The following ANKRD40CL variants were observed in gnomAD, a reference collection of about 807,000 sequenced individuals.
ANKRD40CL encodes putative ANKRD40 C-terminal-like protein.
For synonymous variants in ANKRD40CL, 5 were observed against 2.3 expected (o/e 2.14, Z -1.04); for missense variants, 11 against 6.4 (o/e 1.71, Z -0.77).
intron 2 of ANKRD40CL, among the ~76,000 whole-genome samples, chr17:50,765,760 T>C (rs1289712627): frequency 6.6e-6 from 1 of 152,088 alleles, no homozygotes; most frequent in Admixed American, 6.5e-5. Context: ...ACTCCTCAAC[T>C]TCTGATCCTT....
intron 2 of ANKRD40CL, chr17:50,765,056 G>C (rs1288517649): frequency 6.6e-6 from 1 of 152,164 alleles, no homozygotes; most frequent in African/African-American, 2.4e-5. Context: ...AGAGAGCATG[G>C]GGGGACTGAG....
chr17:50,762,906 GT>G (rs934853472), intron 3 of ANKRD40CL: 17 of 149,802 alleles, frequency 1.1e-4, no homozygotes, highest in African/African-American at 3.2e-4. Flanking sequence ...TCAGAGGTTT[GT>G]TTTTTTTTGA....
chr17:50,763,561 T>A lies in ANKRD40CL; in HGVS notation c.41-4A>T. The A allele has an allele frequency of 5.0e-6, 2 of 399,082 alleles. No homozygotes were observed. The highest frequency in any genetic ancestry group is 8.8e-6 in the Non-Finnish European group (2 of 226,066). 24.7% of individuals were successfully genotyped at this position (399,082 alleles called of 1,614,324 possible). On this transcript the variant is annotated splice_polypyrimidine_tract_variant and splice_region_variant and intron_variant, in intron 2 of 3. Transcript: ENST00000450727. ...TCTTTGGGGTTCTGAATTCTGACTT[T>A]AAACACAAGCTCTAAATCACCCATA...
At chr17:50,763,834 G>A in intron 2 of ANKRD40CL, 1 of 371,826 alleles carries the variant, frequency 2.7e-6, no homozygotes, top group Non-Finnish European at 4.8e-6. Context: ...TTTAAAATAT[G>A]CAATGGATAT....
Position 50,761,191 on chromosome 17 carries a change from C to T in ANKRD40CL, c.*172G>A, listed in dbSNP as rs536844843. On this transcript the variant is annotated 3_prime_UTR_variant, in exon 4 of 4. Transcript: ENST00000450727. ...TGTAGCTGGGACTACTACAGGTGTG[C>T]GCCACCACACCTAGCTAATTTTTGT... 8.5e-5 allele frequency: 29 copies of T among 342,848 alleles called. No individual in the cohort carries two copies. Among genetic ancestry groups the T allele is most frequent in the East Asian group, 6.1e-4 (14 of 23,006 alleles). The allele number at this position is 342,848 out of a possible 1,614,324, so 21.2% of individuals were successfully genotyped here. A position where few individuals can be genotyped will look rare whatever the true frequency, so the allele number is the denominator to read the frequency against.
chr17:50,761,217 A>AT lies in ANKRD40CL; in HGVS notation c.*145dup, dbSNP rs1028345412. On this transcript the variant is annotated 3_prime_UTR_variant, in exon 4 of 4. Transcript: ENST00000450727. ...GCCACCACACCTAGCTAATTTTTGTATTTTTTTTAGTAGAGACTGGGTTTC... is the reference window on the plus strand; with the variant it reads ...GCCACCACACCTAGCTAATTTTTGTATTTTTTTTTAGTAGAGACTGGGTTTC... The AT allele has an allele frequency of 7.3e-5, 27 of 367,712 alleles. No homozygotes were observed. Among genetic ancestry groups the AT allele is most frequent in the Non-Finnish European group, 1.2e-4 (24 of 207,546 alleles). The allele number at this position is 367,712 out of a possible 1,614,324, so 22.8% of individuals were successfully genotyped here.
chr17:50,766,001 C>T (rs979854352), intron 2 of ANKRD40CL, among the ~76,000 whole-genome samples: 9 of 152,258 alleles, frequency 5.9e-5, no homozygotes, highest in African/African-American at 2.2e-4. Context: ...AAGCCCAGGG[C>T]CTTTCTGAAT....
In ANKRD40CL at chr17:50,767,504, C is replaced by A. The variant is rs1971349641; in HGVS notation, c.-140G>T. 4.3e-6 allele frequency: 1 copy of A among 231,632 alleles called. No homozygotes were observed. The highest frequency in any genetic ancestry group is 2.3e-5 in the African/African-American group (1 of 43,942). The allele number at this position is 231,632 out of a possible 1,614,324, so 14.3% of individuals were successfully genotyped here. On this transcript the variant is annotated 5_prime_UTR_variant, in exon 1 of 4. Coordinates refer to ENST00000450727, the MANE Select transcript of ANKRD40CL (RefSeq NM_001358683.3). ...GGTGATGATCCTGGATCCCCTGATT[C>A]TAGACATCAAAATGGAGGAGGCAGA...
At chr17:50,763,657 A>AT in intron 2 of ANKRD40CL, 100 bp from the exon 3 acceptor site, 2 of 397,908 alleles carry the variant, frequency 5.0e-6, no homozygotes, top group Non-Finnish European at 8.9e-6. Context: ...TACAGCATAA[A>AT]TAATCCTAAA....
At position 50,766,929 on chromosome 17, in the gene ANKRD40CL, C is replaced by T. The variant is rs976633932; in HGVS notation, c.-16G>A. 1.4e-5 allele frequency: 10 copies of T among 700,044 alleles called. 1 individual carries two copies. The highest frequency in any genetic ancestry group is 1.2e-4 in the African/African-American group (7 of 56,172). The allele number at this position is 700,044 out of a possible 1,614,324, so 43.4% of individuals were successfully genotyped here. A position where few individuals can be genotyped will look rare whatever the true frequency, so the allele number is the denominator to read the frequency against. On this transcript the variant is annotated 5_prime_UTR_variant, in exon 2 of 4. Transcript: ENST00000450727. ...GTTCAGCCATGAGTCACCTCTAGTC[C>T]GTCAGATGTGCAGCCCCTCTCGCAT...
intron 1 of ANKRD40CL, 145 bp from the exon 2 acceptor site, chr17:50,767,156 C>A: frequency 1.5e-6 from 1 of 661,034 alleles, no homozygotes; most frequent in South Asian, 1.5e-5. Flanking sequence ...TGAAGTAAGG[C>A]TCCAGACTCT....
intron 2 of ANKRD40CL, chr17:50,763,878 G>T: frequency 8.0e-6 from 3 of 374,996 alleles, no homozygotes; most frequent in Non-Finnish European, 1.4e-5. Context: ...TACATAGCAG[G>T]TGCTCATACC....
At chr17:50,763,211 T>C in intron 3 of ANKRD40CL, 186 bp downstream of exon 3, 1 of 393,186 alleles carries the variant, frequency 2.5e-6, no homozygotes, top group Non-Finnish European at 4.5e-6. Context: ...TAGAGGTTTT[T>C]AAAAGGTTTA....
intron 1 of ANKRD40CL, 51 bp downstream of exon 1, chr17:50,767,412 T>C (rs1396723287): frequency 3.0e-6 from 1 of 328,022 alleles, no homozygotes. Flanking sequence ...TCCCAGCCCC[T>C]TCCTCAGCAG....
At chr17:50,763,064 T>G in intron 3 of ANKRD40CL, 1 of 175,018 alleles carries the variant, frequency 5.7e-6, no homozygotes, top group Non-Finnish European at 1.2e-5. Flanking sequence ...GCCCAGCTAA[T>G]TTTTGTATTT....
chr17:50,765,278 A>G (rs1971279753), intron 2 of ANKRD40CL, among the ~76,000 whole-genome samples: 1 of 152,254 alleles, frequency 6.6e-6, no homozygotes, highest in Admixed American at 6.5e-5. Flanking sequence ...CATGGCTACT[A>G]GCAATTTTAA....
intron 2 of ANKRD40CL, chr17:50,764,678 C>G (rs970751125): frequency 3.9e-5 from 6 of 154,100 alleles, no homozygotes; most frequent in African/African-American, 1.2e-4. Context: ...TATGCCAGGC[C>G]TTTTGTGTAT....
chr17:50,766,704 C>CA (rs1167558692), intron 2 of ANKRD40CL, 170 bp downstream of exon 2: 1 of 540,184 alleles, frequency 1.9e-6, no homozygotes, highest in Non-Finnish European at 3.3e-6. Flanking sequence ...CACTTGCTTC[C>CA]TTCTGAAAGG....
chr17:50,766,056 G>A (rs1259294176), intron 2 of ANKRD40CL, among the ~76,000 whole-genome samples: 1 of 152,180 alleles, frequency 6.6e-6, no homozygotes, highest in African/African-American at 2.4e-5. Context: ...TATGAAGTCA[G>A]CCCTGTTTGT....
Sources: gnomAD v4.1 joint callset for allele counts (sites outside exome capture counted in the v4.1 genomes callset) on GRCh38, gnomAD v4.1.1 for gene constraint, MANE v1.5 for transcripts, NCBI Gene and HGNC (gene_info 2026-07-23, HGNC 2026-07-21) for gene names.